Variants in GPC3 observed in about 807,000 individuals in gnomAD.
GPC3 encodes the protein glypican 3, also known as glypican-3.
In GPC3, 3 loss-of-function variants were observed where a neutral mutation model predicts 34.4. That is an observed-to-expected ratio of 0.09 (90% CI 0.04 to 0.23). The LOEUF is 0.23. Among genes scored for constraint, GPC3 ranks in the 10% least tolerant of loss-of-function variants. GPC3 has a pLI of 1.00. For missense variants in GPC3, 351 were observed against 445.6 expected (o/e 0.79, Z 1.91); for synonymous variants, 177 against 174.0 (o/e 1.02, Z -0.13).
intron 2 of GPC3, among the ~76,000 whole-genome samples, chrX:133,762,186 CT>C (rs1229071204): frequency 1.1e-4 from 12 of 112,027 alleles, no homozygotes; most frequent in African/African-American, 3.9e-4. Flanking sequence ...TGAGTAGCAA[CT>C]ATAGAAATGT....
Position 133,700,032 on chromosome X carries a change from A to G in GPC3, c.1033-4T>C. 1 of 1,176,934 alleles carries G rather than the reference A, an allele frequency of 8.5e-7. No homozygotes were observed. Among genetic ancestry groups the G allele is most frequent in the Non-Finnish European group, 1.2e-6 (1 of 864,749 alleles). On this transcript the variant is annotated splice_polypyrimidine_tract_variant and splice_region_variant and intron_variant, in intron 3 of 7. Coordinates refer to ENST00000370818, the MANE Select transcript of GPC3 (RefSeq NM_004484.4). Reference sequence around the variant, plus strand: ...AATGGGCACATAACTTGCCAATCTGAAAAAAGAAATGCAATATAATTATAT... The same window carrying G: ...AATGGGCACATAACTTGCCAATCTGGAAAAAGAAATGCAATATAATTATAT...
chrX:133,950,774 T>C (rs1243738391), intron 2 of GPC3, among the ~76,000 whole-genome samples: 1 of 111,877 alleles, frequency 8.9e-6, no homozygotes, highest in Non-Finnish European at 1.9e-5. Context: ...TCTCTCCAAA[T>C]GTTTGTTACA....
intron 2 of GPC3, among the ~76,000 whole-genome samples, chrX:133,902,864 T>A (rs57424141): frequency 0.084 from 9,476 of 112,443 alleles, 965 homozygotes; most frequent in African/African-American, 0.29. Flanking sequence ...TATAGTCAGT[T>A]CTGAGATTAG....
intron 2 of GPC3, among the ~76,000 whole-genome samples, chrX:133,834,488 T>C (rs756603190): frequency 2.7e-5 from 3 of 111,667 alleles, no homozygotes; most frequent in South Asian, 3.8e-4. Context: ...AGACCCTGGG[T>C]CCTAGAGTTA....
At chrX:133,641,857 C>G (rs760160208) in intron 6 of GPC3, among the ~76,000 whole-genome samples, 6 of 112,497 alleles carry the variant, frequency 5.3e-5, no homozygotes, top group African/African-American at 1.9e-4. Context: ...TTCTCAAGAA[C>G]GTCTAAAGGT....
At chrX:133,744,459 G>A (rs758714510) in intron 3 of GPC3, among the ~76,000 whole-genome samples, 4 of 112,576 alleles carry the variant, frequency 3.6e-5, no homozygotes, top group Non-Finnish European at 7.5e-5. Flanking sequence ...AAACCACAAT[G>A]AGATACCATC....
chrX:133,900,093 G>A (rs1159640529), intron 2 of GPC3, among the ~76,000 whole-genome samples: 2 of 111,911 alleles, frequency 1.8e-5, no homozygotes, highest in Non-Finnish European at 3.8e-5. Flanking sequence ...ATGAGCCACC[G>A]CGCCCGGCCG....
intron 2 of GPC3, among the ~76,000 whole-genome samples, chrX:133,794,097 AC>A (rs764621628): frequency 8.9e-6 from 1 of 112,321 alleles, no homozygotes; most frequent in East Asian, 2.8e-4. Flanking sequence ...AAAAAGCAAG[AC>A]CTTTAAAGCA....
intron 6 of GPC3, among the ~76,000 whole-genome samples, chrX:133,641,037 G>A (rs1273778694): frequency 9.1e-6 from 1 of 109,910 alleles, no homozygotes; most frequent in Admixed American, 9.7e-5. Flanking sequence ...GCTTGTGTTT[G>A]TGGAAGAAAT....
intron 2 of GPC3, among the ~76,000 whole-genome samples, chrX:133,827,048 A>C (rs868367800): frequency 7.2e-5 from 8 of 111,860 alleles, no homozygotes; most frequent in African/African-American, 2.6e-4. Flanking sequence ...GTGGTTGAAC[A>C]ACATTGTGAA....
intron 2 of GPC3, among the ~76,000 whole-genome samples, chrX:133,883,261 G>A (rs1227647177): frequency 9.0e-6 from 1 of 111,550 alleles, no homozygotes; most frequent in Admixed American, 9.6e-5. Flanking sequence ...ACAGCAGAAG[G>A]TTAGAGGTAT....
chrX:133,756,294 T>C (rs769747067), intron 2 of GPC3, among the ~76,000 whole-genome samples: 2 of 112,350 alleles, frequency 1.8e-5, no homozygotes, highest in South Asian at 3.6e-4. Flanking sequence ...CCAATACATA[T>C]AGTCTCAAAA....
intron 2 of GPC3, among the ~76,000 whole-genome samples, chrX:133,799,405 G>C (rs1346648810): frequency 9.0e-6 from 1 of 110,737 alleles, no homozygotes; most frequent in Non-Finnish European, 1.9e-5. Flanking sequence ...AAAAAGTCCT[G>C]AAGCTACCTC....
In GPC3 at chrX:133,887,924, CT is replaced by C. The variant is rs1261840835; in HGVS notation, c.337+65125del. 8.1e-3 allele frequency among the ~76,000 whole-genome samples: 779 copies of C among 96,203 alleles called. 4 individuals are homozygous for C. Among genetic ancestry groups the C allele is most frequent in the African/African-American group, 0.021 (570 of 26,612 alleles). 83.5% of individuals were successfully genotyped at this position (96,203 alleles called of 115,157 possible). The stretch of plus-strand genomic sequence containing the variant: ...ATATACTTTTTCTCCAGACAGAATT[CT>C]TTTTTTTTTTTTTAATACTTTAAGT... On this transcript the variant is annotated intron_variant, in intron 2 of 7. Transcript: ENST00000370818.
chrX:133,694,648 C>T (rs958460641), intron 4 of GPC3, among the ~76,000 whole-genome samples: 1 of 109,420 alleles, frequency 9.1e-6, no homozygotes, highest in African/African-American at 3.3e-5. Flanking sequence ...AAGAGTTTCC[C>T]TTAGGCCTCT....
intron 1 of GPC3, among the ~76,000 whole-genome samples, chrX:133,963,130 T>C (rs1342424100): frequency 8.9e-6 from 1 of 112,496 alleles, no homozygotes; most frequent in African/African-American, 3.2e-5. Context: ...TGAAGATACA[T>C]GAATACGGAT....
rs898055707 is a variant in GPC3 at position 133,974,004 on chromosome X, T to C, written c.175+11271A>G. On this transcript the variant is annotated intron_variant, in intron 1 of 7. Coordinates refer to ENST00000370818, the MANE Select transcript of GPC3 (RefSeq NM_004484.4). ...TGTGTGATTGTGAAAGATCACCTACTGCTAAGAGTAACAGCTAATAACTTT... is the reference window on the plus strand; with the variant it reads ...TGTGTGATTGTGAAAGATCACCTACCGCTAAGAGTAACAGCTAATAACTTT... Among the ~76,000 whole-genome samples, 9 of 112,465 alleles carry C rather than the reference T, an allele frequency of 8.0e-5. 1 individual carries two copies. Among genetic ancestry groups the C allele is most frequent in the African/African-American group, 2.6e-4 (8 of 30,912 alleles).
intron 2 of GPC3, among the ~76,000 whole-genome samples, chrX:133,831,663 G>A (rs1388930172): frequency 8.9e-6 from 1 of 112,167 alleles, no homozygotes; most frequent in East Asian, 2.8e-4. Context: ...CCAGGAGGCG[G>A]AGGTTGCGAT....
intron 2 of GPC3, among the ~76,000 whole-genome samples, chrX:133,839,811 C>T (rs915678939): frequency 3.7e-5 from 4 of 107,220 alleles, no homozygotes; most frequent in Non-Finnish European, 7.7e-5. Context: ...GCCTGTAGTC[C>T]CAGCTACTCG....
Sources: gnomAD v4.1 joint callset for allele counts (sites outside exome capture counted in the v4.1 genomes callset) on GRCh38, gnomAD v4.1.1 for gene constraint, MANE v1.5 for transcripts, NCBI Gene and HGNC (gene_info 2026-07-23, HGNC 2026-07-21) for gene names.